Variants in MBP observed in about 807,000 individuals in gnomAD.
MBP encodes myelin basic protein.
Under a neutral mutation model 35.8 loss-of-function variants are expected in MBP, and 16 were observed. The observed-to-expected ratio is 0.45, with a 90% CI of 0.30 to 0.68. The LOEUF (loss-of-function observed/expected upper bound fraction) is 0.68. Ranked by LOEUF, MBP falls within the 30% of genes least tolerant of loss-of-function variation. The pLI, the probability that MBP is intolerant of heterozygous loss-of-function variation, is 0.08. For missense variants in MBP, 380 were observed against 404.7 expected (o/e 0.94, Z 0.52); for synonymous variants, 143 against 159.6 (o/e 0.90, Z 0.78).
intron 3 of MBP, among the ~76,000 whole-genome samples, chr18:77,057,824 G>GTTTTTTTTTT (rs780881071): frequency 0.59 from 5,546 of 9,380 alleles, 2,582 homozygotes; most frequent in Middle Eastern, 0.75. Flanking sequence ...GGCGGGGAGT[G>GTTTTTTTTTT]TTTTTTTTTT....
intron 2 of MBP, among the ~76,000 whole-genome samples, chr18:77,089,533 C>T (rs1160960421): frequency 6.6e-6 from 1 of 152,218 alleles, no homozygotes; most frequent in Non-Finnish European, 1.5e-5. Flanking sequence ...GGGGTTCTCC[C>T]ACAGAGCCTC....
Position 77,023,365 on chromosome 18 carries a change from C to T in MBP, c.140-6097G>A, listed in dbSNP as rs1381559563. Among the ~76,000 whole-genome samples the T allele has an allele frequency of 3.9e-5, 6 of 152,274 alleles. No individual in the cohort carries two copies. The East Asian group carries it at 1.2e-3, about 29-fold the overall frequency. ...GACTGGCTGCTTCCAGTGGCTCATC[C>T]CCAGCACACAAGCGTCGCCAGGTCC... On this transcript the variant is annotated intron_variant, in intron 3 of 8. Coordinates refer to ENST00000355994, the MANE Select transcript of MBP (RefSeq NM_001025101.2).
rs1969036212 is a variant in MBP, at chr18:76,978,930, G to A, written c.*1497C>T. On this transcript the variant is annotated 3_prime_UTR_variant, in exon 9 of 9. Transcript: ENST00000355994. ...GCACGTGCTGTGTGGGTGCGGCCAC[G>A]TATGGATCGCAGAGCCGACCTCAGC... The A allele has an allele frequency of 6.6e-6, 1 of 152,236 alleles. No homozygotes were observed. The highest frequency in any genetic ancestry group is 2.4e-5 in the African/African-American group (1 of 41,462). 9.4% of individuals were successfully genotyped at this position (152,236 alleles called of 1,614,324 possible).
At chr18:77,041,996 C>G (rs1039088818) in intron 3 of MBP, among the ~76,000 whole-genome samples, 2 of 151,956 alleles carry the variant, frequency 1.3e-5, no homozygotes, top group African/African-American at 4.8e-5. Context: ...CCACAGACCC[C>G]GCATCATCGA....
At chr18:77,083,910 G>T (rs1789131) in intron 2 of MBP, among the ~76,000 whole-genome samples, 115,566 of 152,054 alleles carry the variant, frequency 0.76, 44,394 homozygotes, top group East Asian at 0.83. Flanking sequence ...GTTGTAAAAT[G>T]GACTGTTGGG....
chr18:77,093,967 G>T (rs1156399649), intron 2 of MBP, among the ~76,000 whole-genome samples: 1 of 145,942 alleles, frequency 6.9e-6, no homozygotes, highest in Non-Finnish European at 1.5e-5. Flanking sequence ...GTTTTTAAAG[G>T]GTCTTTTTTT....
At chr18:77,055,603 T>TC (rs1568316062) in intron 3 of MBP, among the ~76,000 whole-genome samples, 21 of 136,614 alleles carry the variant, frequency 1.5e-4, no homozygotes, top group African/African-American at 4.9e-4. Flanking sequence ...CTCTCTCTCT[T>TC]TCTTTCTCTT....
chr18:77,108,487 T>C (rs975103376), intron 1 of MBP: 2 of 152,176 alleles, frequency 1.3e-5, no homozygotes, highest in Non-Finnish European at 2.9e-5. Flanking sequence ...TCAGATTCCA[T>C]CAGGACCGCT....
intron 3 of MBP, among the ~76,000 whole-genome samples, chr18:77,041,908 C>T (rs1321344194): frequency 5.4e-5 from 8 of 148,448 alleles, no homozygotes; most frequent in Admixed American, 1.4e-4. Context: ...TGCACATGTA[C>T]CCTAAGACTT....
intron 2 of MBP, among the ~76,000 whole-genome samples, chr18:77,084,511 C>T (rs566800483): frequency 9.8e-4 from 149 of 151,616 alleles, no homozygotes; most frequent in African/African-American, 3.6e-3. Flanking sequence ...CCTGTCCGGC[C>T]TCCAGCTGGC....
intron 2 of MBP, among the ~76,000 whole-genome samples, chr18:77,090,015 T>A (rs1320081681): frequency 6.6e-6 from 1 of 152,194 alleles, no homozygotes; most frequent in Non-Finnish European, 1.5e-5. Flanking sequence ...TGGGATTTGC[T>A]GAACTGTGAC....
intron 4 of MBP, among the ~76,000 whole-genome samples, chr18:77,011,545 A>G (rs1356828046): frequency 6.6e-6 from 1 of 152,170 alleles, no homozygotes; most frequent in African/African-American, 2.4e-5. Flanking sequence ...TAGCCATAAG[A>G]CATCCCACTG....
At chr18:77,070,413 G>A (rs1021500723) in intron 2 of MBP, among the ~76,000 whole-genome samples, 1 of 152,170 alleles carries the variant, frequency 6.6e-6, no homozygotes, top group Non-Finnish European at 1.5e-5. Context: ...AATTTTAGAA[G>A]GTGTGTGGGA....
intron 1 of MBP, among the ~76,000 whole-genome samples, chr18:77,121,764 A>G (rs759478263): frequency 2.0e-4 from 30 of 152,140 alleles, no homozygotes; most frequent in African/African-American, 4.6e-4. Flanking sequence ...ATTTCTCTTT[A>G]TATTTCTAGA....
chr18:77,095,810 C>A (rs373049617), intron 2 of MBP, among the ~76,000 whole-genome samples: 1 of 152,236 alleles, frequency 6.6e-6, no homozygotes, highest in African/African-American at 2.4e-5. Context: ...ACACCCCAGG[C>A]AGTTAGGATT....
Position 76,979,833 on chromosome 18 carries a change from T to G in MBP, c.*594A>C, listed in dbSNP as rs1969076877. On this transcript the variant is annotated 3_prime_UTR_variant, in exon 9 of 9. Coordinates refer to ENST00000355994, the MANE Select transcript of MBP (RefSeq NM_001025101.2). The stretch of plus-strand genomic sequence containing the variant: ...GGCCCCCTCTCTGTGCTGCCCCACG[T>G]TGGACTCTAACAGCTGCCCAGCCCG... The G allele has an allele frequency of 3.1e-6, 2 of 639,566 alleles. No individual in the cohort carries two copies. The highest frequency in any genetic ancestry group is 1.8e-5 in the African/African-American group (1 of 54,978). The allele number at this position is 639,566 out of a possible 1,614,324, so 39.6% of individuals were successfully genotyped here.
intron 2 of MBP, among the ~76,000 whole-genome samples, chr18:77,097,894 C>T (rs2290826): frequency 0.087 from 12,708 of 146,852 alleles, 590 homozygotes; most frequent in East Asian, 0.21. Flanking sequence ...CAGCAGGTGC[C>T]CCAAATCAAA....
intron 3 of MBP, among the ~76,000 whole-genome samples, chr18:77,051,437 A>G (rs1378969879): frequency 6.6e-6 from 1 of 152,202 alleles, no homozygotes; most frequent in Non-Finnish European, 1.5e-5. Context: ...TAACCGTTCA[A>G]CAGTTAAGGA....
intron 4 of MBP, among the ~76,000 whole-genome samples, chr18:77,000,913 G>A (rs1307151231): frequency 6.6e-6 from 1 of 152,190 alleles, no homozygotes; most frequent in African/African-American, 2.4e-5. Context: ...CGTTGATGGA[G>A]TCACTCCCTC....
Sources: gnomAD v4.1 joint callset for allele counts (sites outside exome capture counted in the v4.1 genomes callset) on GRCh38, gnomAD v4.1.1 for gene constraint, MANE v1.5 for transcripts, NCBI Gene and HGNC (gene_info 2026-07-23, HGNC 2026-07-21) for gene names.